Variants in ZNF169 observed in about 807,000 individuals in gnomAD.
ZNF169 encodes the protein zinc finger protein 169.
ZNF169 carries 11 observed loss-of-function variants against 12.0 expected under a neutral mutation model. That is an observed-to-expected ratio of 0.92 (90% confidence interval 0.58 to 1.52). The LOEUF is 1.52. ZNF169 is among the 40% of genes most tolerant of loss of function. ZNF169 has a pLI of 0.00. For missense variants in ZNF169, 722 were observed against 744.0 expected, an observed-to-expected ratio of 0.97 and a Z score of 0.34; for synonymous variants, 302 against 286.5, an observed-to-expected ratio of 1.05 and a Z score of -0.55.
chr9:94,281,091 A>T (rs113657042), intron 2 of ZNF169, among the ~76,000 whole-genome samples: 1 of 152,254 alleles, frequency 6.6e-6, no homozygotes, highest in African/African-American at 2.4e-5. Context: ...ATTGATGAAA[A>T]GATATAAGCA....
chr9:94,268,785 C>CAAAAAAAA (rs58102758), intron 1 of ZNF169, among the ~76,000 whole-genome samples: 15 of 113,298 alleles, frequency 1.3e-4, no homozygotes, highest in African/African-American at 4.9e-4. Context: ...GACTCCATTT[C>CAAAAAAAA]AAAAAAAAAA....
chr9:94,287,870 G>T, intron 2 of ZNF169: 2 of 1,005,310 alleles, frequency 2.0e-6, no homozygotes, highest in Non-Finnish European at 3.2e-6. Flanking sequence ...CGTCAGGGTC[G>T]ATCTGATACT....
intron 1 of ZNF169, among the ~76,000 whole-genome samples, chr9:94,266,408 C>T (rs537080721): frequency 1.1e-4 from 16 of 152,254 alleles, no homozygotes; most frequent in South Asian, 6.2e-4. Flanking sequence ...GAGCATCGAA[C>T]GCAGCGCTGG....
intron 4 of ZNF169, chr9:94,299,422 A>G (rs1403607868): frequency 3.1e-6 from 2 of 642,550 alleles, no homozygotes; most frequent in Non-Finnish European, 4.5e-6. Context: ...CTTCAAGATC[A>G]TAATCAGTCT....
intron 1 of ZNF169, among the ~76,000 whole-genome samples, chr9:94,262,792 C>A (rs538072382): frequency 6.4e-4 from 98 of 152,300 alleles, no homozygotes; most frequent in African/African-American, 2.3e-3. Flanking sequence ...ACACTCATTA[C>A]CCTATCTCTC....
At chr9:94,268,442 C>T (rs573353995) in intron 1 of ZNF169, among the ~76,000 whole-genome samples, 6 of 152,018 alleles carry the variant, frequency 3.9e-5, no homozygotes, top group Non-Finnish European at 7.4e-5. Flanking sequence ...TTTAACAGTG[C>T]TTTCTGTATA....
At chr9:94,267,229 TG>T (rs1198527264) in intron 1 of ZNF169, among the ~76,000 whole-genome samples, 1 of 152,216 alleles carries the variant, frequency 6.6e-6, no homozygotes, top group Non-Finnish European at 1.5e-5. Context: ...TAAGGTAACC[TG>T]GGGTTCATGG....
rs1564094816 is a variant in ZNF169 at position 94,300,662 on chromosome 9, C to T, written c.1104C>T (p.His368=). The T allele has an allele frequency of 6.2e-7, 1 of 1,614,042 alleles. No individual in the cohort carries two copies. The highest frequency in any genetic ancestry group is 2.2e-5 in the East Asian group (1 of 44,860). The change falls in exon 5 of 5, where the codon CAC becomes CAT. Residue 368 remains histidine (H), a synonymous_variant. Transcript: ENST00000395395. ...CACTCCTCCAGCACCAGAGCTCACA[C>T]ACAGGGGAGAGGCCCTTCCTGTGCC... The part of the protein sequence containing the change: ...KASLLQHQSS[H]TGERPFLCLE...
intron 1 of ZNF169, among the ~76,000 whole-genome samples, chr9:94,259,780 A>G (rs986906478): frequency 6.6e-6 from 1 of 152,218 alleles, no homozygotes; most frequent in Non-Finnish European, 1.5e-5. Flanking sequence ...TCTCTGGGCC[A>G]GCAAATGTGC....
rs1287349449 is a variant in ZNF169, at chr9:94,297,640, T to C, written c.257-2175T>C. Among the ~76,000 whole-genome samples, 14 of 152,336 alleles carry C rather than the reference T, an allele frequency of 9.2e-5. No homozygotes were observed. The South Asian group carries it at 2.7e-3, about 29-fold the overall frequency. ...CAAAGAGTTTTTCTTAGGAATAGTA[T>C]GGTCAAAAATAAGAAATACGTATTT... On this transcript the variant is annotated intron_variant, in intron 4 of 4. Coordinates refer to ENST00000395395, the MANE Select transcript of ZNF169 (RefSeq NM_194320.4).
At chr9:94,259,871 T>C (rs768685409) in intron 1 of ZNF169, among the ~76,000 whole-genome samples, 2 of 150,580 alleles carry the variant, frequency 1.3e-5, no homozygotes, top group East Asian at 1.9e-4. Flanking sequence ...AGTCGGGTTG[T>C]TTATTTGTTT....
chr9:94,260,195 G>A (rs1186611584), intron 1 of ZNF169, among the ~76,000 whole-genome samples: 1 of 152,208 alleles, frequency 6.6e-6, no homozygotes, highest in Non-Finnish European at 1.5e-5. Context: ...TGGGACTACA[G>A]GCGCACGCCA....
intron 1 of ZNF169, among the ~76,000 whole-genome samples, chr9:94,272,481 T>G (rs1830440466): frequency 1.3e-5 from 2 of 152,174 alleles, no homozygotes; most frequent in African/African-American, 4.8e-5. Context: ...CCATTCTACT[T>G]TCTGTTTCTA....
At chr9:94,271,367 G>T (rs1830418293) in intron 1 of ZNF169, among the ~76,000 whole-genome samples, 1 of 151,904 alleles carries the variant, frequency 6.6e-6, no homozygotes, top group African/African-American at 2.4e-5. Flanking sequence ...AAAGTGCTGG[G>T]ACTGCAGGAG....
At chr9:94,288,269 G>A in intron 2 of ZNF169, 1 of 807,784 alleles carries the variant, frequency 1.2e-6, no homozygotes. Context: ...GTCAGCTTCA[G>A]TTCACGTGCA....
intron 2 of ZNF169, chr9:94,288,608 G>A (rs1830765230): frequency 2.5e-5 from 10 of 406,492 alleles, no homozygotes; most frequent in South Asian, 2.1e-4. Context: ...CTCTGGTGCA[G>A]AGGCAGGTTT....
At position 94,300,570 on chromosome 9, in the gene ZNF169, A is replaced by T. The variant is rs61154129; in HGVS notation, c.1012A>T (p.Arg338Trp). The change falls in exon 5 of 5, where the codon AGG (arginine) becomes TGG (tryptophan). Residue 338 changes from arginine (R) to tryptophan (W), a missense_variant. Coordinates refer to ENST00000395395, the MANE Select transcript of ZNF169 (RefSeq NM_194320.4). ...GAAGATAGCCCTCCTTCTACACCAG[A>T]GGACGCACTTGGAGGAGAAGCCCTT... ...RQKIALLLHQ[R>W]THLEEKPFVC... 0.014 allele frequency: 21,855 copies of T among 1,614,172 alleles called. 304 individuals carry two copies. The highest frequency in any genetic ancestry group is 0.056 in the East Asian group (2,491 of 44,870).
chr9:94,277,584 T>C (rs2118589042), intron 1 of ZNF169, among the ~76,000 whole-genome samples: 1 of 152,232 alleles, frequency 6.6e-6, no homozygotes, highest in Middle Eastern at 3.4e-3. Context: ...TGAGAATTTA[T>C]GGTTTGTAGG....
intron 1 of ZNF169, among the ~76,000 whole-genome samples, chr9:94,269,074 A>C (rs1044709937): frequency 2.0e-5 from 3 of 152,142 alleles, no homozygotes; most frequent in Admixed American, 1.3e-4. Context: ...CCTAAAAAAA[A>C]AAAAATTTTT....
Sources: allele counts gnomAD v4.1 joint callset (sites outside exome capture counted in the v4.1 genomes callset), GRCh38; gene constraint gnomAD v4.1.1; transcripts MANE v1.5; gene names NCBI Gene and HGNC (gene_info 2026-07-23, HGNC 2026-07-21).